Variants in GOLGA1 observed in about 807,000 individuals in gnomAD.
GOLGA1 encodes the protein golgin A1.
Under a neutral mutation model 119.7 loss-of-function variants are expected in GOLGA1, and 63 were observed. That is an observed-to-expected ratio of 0.53 (90% CI 0.43 to 0.65). The LOEUF is 0.65. Ranked by LOEUF, GOLGA1 falls within the 30% of genes least tolerant of loss-of-function variation. The pLI, the probability that GOLGA1 is intolerant of heterozygous loss-of-function variation, is 0.00. For missense variants in GOLGA1, 798 were observed against 912.8 expected, an observed-to-expected ratio of 0.87 and a Z score of 1.62; for synonymous variants, 318 against 333.4, an observed-to-expected ratio of 0.95 and a Z score of 0.50.
intron 15 of GOLGA1, among the ~76,000 whole-genome samples, chr9:124,892,932 C>CAAA (rs11464433): frequency 2.6e-5 from 3 of 114,676 alleles, no homozygotes; most frequent in Non-Finnish European, 5.4e-5. Context: ...AATTCCATCT[C>CAAA]AAAAAAAAAA....
At chr9:124,935,984 T>C (rs1212899773) in intron 3 of GOLGA1, among the ~76,000 whole-genome samples, 1 of 152,128 alleles carries the variant, frequency 6.6e-6, no homozygotes, top group African/African-American at 2.4e-5. Context: ...GAGAAACATA[T>C]GCAGTTGGAT....
Position 124,880,615 on chromosome 9 carries a change from A to G in GOLGA1, c.2224-5T>C. 6.3e-7 allele frequency: 1 copy of G among 1,589,596 alleles called. No homozygotes were observed. The highest frequency in any genetic ancestry group is 8.6e-7 in the Non-Finnish European group (1 of 1,158,124). Reference sequence around the variant, plus strand: ...TTTGGACCCAAACCATGACATCTGCATTTGAAACAGAAAAGGCTTCTGAGA... The same window carrying G: ...TTTGGACCCAAACCATGACATCTGCGTTTGAAACAGAAAAGGCTTCTGAGA... On this transcript the variant is annotated splice_polypyrimidine_tract_variant and splice_region_variant and intron_variant, in intron 22 of 22. Coordinates refer to ENST00000373555, the MANE Select transcript of GOLGA1 (RefSeq NM_002077.4).
At chr9:124,921,043 A>G (rs1017200899) in intron 10 of GOLGA1, 86 bp downstream of exon 10, 3 of 812,974 alleles carry the variant, frequency 3.7e-6, no homozygotes, top group Non-Finnish European at 6.5e-6. Context: ...ATGTATGTTC[A>G]GTAGCTACTC....
intron 12 of GOLGA1, among the ~76,000 whole-genome samples, chr9:124,905,207 T>C (rs908076084): frequency 3.3e-5 from 5 of 151,384 alleles, no homozygotes; most frequent in South Asian, 2.1e-4. Context: ...TGGTGCTGTA[T>C]TCCCAGTACT....
intron 18 of GOLGA1, 58 bp downstream of exon 18, chr9:124,889,083 ACT>A (rs887466531): frequency 7.2e-7 from 1 of 1,388,480 alleles, no homozygotes; most frequent in Admixed American, 1.8e-5. Context: ...CCTTAGGGGC[ACT>A]CTCGGCACCT....
At chr9:124,926,426 G>A (rs1433786387) in intron 7 of GOLGA1, among the ~76,000 whole-genome samples, 6 of 152,132 alleles carry the variant, frequency 3.9e-5, no homozygotes, top group Non-Finnish European at 8.8e-5. Context: ...GATGCCAGAG[G>A]GCATTCTGAG....
intron 12 of GOLGA1, among the ~76,000 whole-genome samples, chr9:124,903,394 C>T (rs1037427971): frequency 6.6e-6 from 1 of 151,998 alleles, no homozygotes; most frequent in African/African-American, 2.4e-5. Flanking sequence ...ACAAAAACTG[C>T]TTAAACCTGC....
At chr9:124,905,807 C>T (rs1289008278) in intron 12 of GOLGA1, among the ~76,000 whole-genome samples, 3 of 152,026 alleles carry the variant, frequency 2.0e-5, no homozygotes, top group Non-Finnish European at 4.4e-5. Context: ...CTAGAATAAC[C>T]AGAAATAACC....
chr9:124,926,143 G>C (rs1830667789), intron 7 of GOLGA1, among the ~76,000 whole-genome samples: 1 of 152,280 alleles, frequency 6.6e-6, no homozygotes, highest in South Asian at 2.1e-4. Flanking sequence ...GCTTATCAAA[G>C]CTGTGGGATG....
intron 4 of GOLGA1, among the ~76,000 whole-genome samples, chr9:124,930,770 G>A (rs1430541560): frequency 6.6e-6 from 1 of 152,168 alleles, no homozygotes; most frequent in Non-Finnish European, 1.5e-5. Context: ...CTCAGGCAAA[G>A]GATATAATGG....
rs1027299029 is a variant in GOLGA1, at chr9:124,916,481, T to C, written c.844-4455A>G. On this transcript the variant is annotated intron_variant, in intron 10 of 22. Coordinates refer to ENST00000373555, the MANE Select transcript of GOLGA1 (RefSeq NM_002077.4). The stretch of plus-strand genomic sequence containing the variant: ...ATACAATGCCAAAACATTAAACTTA[T>C]AGCAAATGAACAATTATGTAGAAAA... Among the ~76,000 whole-genome samples the C allele has an allele frequency of 4.6e-5, 7 of 152,108 alleles. 1 individual carries two copies. The South Asian group carries it at 6.2e-4, about 14-fold the overall frequency.
At chr9:124,894,005 T>C (rs531864263) in intron 15 of GOLGA1, among the ~76,000 whole-genome samples, 5 of 152,304 alleles carry the variant, frequency 3.3e-5, no homozygotes, top group East Asian at 3.9e-4. Flanking sequence ...TCGTCAACCA[T>C]ATTCCCTACG....
intron 8 of GOLGA1, among the ~76,000 whole-genome samples, chr9:124,922,550 C>CAA (rs537417274): frequency 8.1e-5 from 4 of 49,330 alleles, no homozygotes; most frequent in South Asian, 7.0e-4. Flanking sequence ...GACTCTATCT[C>CAA]AAAAAAAAAA....
At chr9:124,935,214 A>ACATATATTATGTAT (rs1441324907) in intron 3 of GOLGA1, among the ~76,000 whole-genome samples, 3 of 152,184 alleles carry the variant, frequency 2.0e-5, no homozygotes, top group Non-Finnish European at 2.9e-5. Flanking sequence ...CAGATTTTGG[A>ACATATATTATGTAT]ATGTCTGCAT....
At chr9:124,947,860 C>G (rs559146118) in intron 1 of GOLGA1, 1 of 152,278 alleles carries the variant, frequency 6.6e-6, no homozygotes, top group Non-Finnish European at 1.5e-5. Flanking sequence ...ATCTTTTACT[C>G]AGGGTGGGGA....
intron 12 of GOLGA1, among the ~76,000 whole-genome samples, chr9:124,903,910 G>A (rs1344890869): frequency 6.6e-5 from 10 of 151,834 alleles, no homozygotes; most frequent in Middle Eastern, 3.2e-3. Context: ...TTAGCCAGGC[G>A]TGGTGGAGCG....
upstream of GOLGA1, chr9:124,944,368 G>C (rs555124221): frequency 8.9e-6 from 1 of 112,114 alleles, no homozygotes; most frequent in South Asian, 2.9e-4. Flanking sequence ...GCACGATCTC[G>C]GCTCACTGCA....
In GOLGA1 at chr9:124,918,657, G is replaced by GA. The variant is rs1395100280; in HGVS notation, c.843+2471dup. Among the ~76,000 whole-genome samples the GA allele has an allele frequency of 3.3e-5, 5 of 152,296 alleles. No individual in the cohort carries two copies. The East Asian group carries it at 9.6e-4, about 29-fold the overall frequency. On this transcript the variant is annotated intron_variant, in intron 10 of 22. Transcript: ENST00000373555. ...TGTAGTCCCTGCTATTCAGGAGGCT[G>GA]AGGTGGGAGGATTGCTTGAGCCTAG...
At chr9:124,928,141 A>G (rs746905607) in intron 6 of GOLGA1, 47 bp downstream of exon 6, 1 of 771,314 alleles carries the variant, frequency 1.3e-6, no homozygotes, top group South Asian at 1.6e-5. Context: ...TCACGTCACT[A>G]AGTGAAATCT....
Sources: allele counts gnomAD v4.1 joint callset (sites outside exome capture counted in the v4.1 genomes callset), GRCh38; gene constraint gnomAD v4.1.1; transcripts MANE v1.5; gene names NCBI Gene and HGNC (gene_info 2026-07-23, HGNC 2026-07-21).